C12orf42: variants seen among roughly 807,000 people sequenced by gnomAD.
C12orf42 encodes uncharacterized protein C12orf42.
Under a neutral mutation model 21.6 loss-of-function variants are expected in C12orf42, and 25 were observed. The observed-to-expected ratio is 1.16, with a 90% CI of 0.84 to 1.62. C12orf42 has a LOEUF of 1.62. C12orf42 is among the 40% of genes most tolerant of loss of function. The probability of loss-of-function intolerance (pLI) is 0.00; values close to 1 mark genes in which losing one functional copy is unlikely to be tolerated. For missense variants in C12orf42, 483 were observed against 459.3 expected (o/e 1.05, Z -0.47); for synonymous variants, 174 against 175.0 (o/e 0.99, Z 0.05).
At chr12:103,452,356 A>G (rs77624097) in intron 2 of C12orf42, among the ~76,000 whole-genome samples, 4,012 of 152,190 alleles carry the variant, frequency 0.026, 169 homozygotes, top group African/African-American at 0.09. Flanking sequence ...AAAATCATAA[A>G]TCACATAAAA....
upstream of C12orf42, among the ~76,000 whole-genome samples, chr12:103,498,924 G>T (rs913973311): frequency 6.6e-6 from 1 of 152,066 alleles, no homozygotes; most frequent in Admixed American, 6.5e-5. Context: ...ATGCATGCTC[G>T]GCTTAATACC....
At chr12:103,481,672 T>C (rs1954483109) in intron 1 of C12orf42, among the ~76,000 whole-genome samples, 1 of 151,614 alleles carries the variant, frequency 6.6e-6, no homozygotes, top group Non-Finnish European at 1.5e-5. Flanking sequence ...AAAAATACCG[T>C]CTGACAACCT....
chr12:103,554,509 AT>A, the C12orf42 span, among the ~76,000 whole-genome samples: 1 of 151,988 alleles, frequency 6.6e-6, no homozygotes, highest in Non-Finnish European at 1.5e-5. Flanking sequence ...CAAATAGTCC[AT>A]TTGGGGGTGC....
intron 3 of C12orf42, among the ~76,000 whole-genome samples, chr12:103,381,275 G>T (rs1566197195): frequency 6.6e-6 from 1 of 152,174 alleles, no homozygotes; most frequent in South Asian, 2.1e-4. Context: ...GAATCCAAAA[G>T]ATCTTAGAGA....
chr12:103,140,340 C>T, the C12orf42 span, among the ~76,000 whole-genome samples: 3 of 152,154 alleles, frequency 2.0e-5, no homozygotes, highest in East Asian at 1.9e-4. Context: ...ATTCAGACCC[C>T]GGGAAGGGAA....
At chr12:103,296,255 G>C (rs1313084861) in intron 4 of C12orf42, among the ~76,000 whole-genome samples, 1 of 151,896 alleles carries the variant, frequency 6.6e-6, no homozygotes, top group Non-Finnish European at 1.5e-5. Flanking sequence ...TCTTAATTCA[G>C]TCTATCATTG....
intron 4 of C12orf42, among the ~76,000 whole-genome samples, chr12:103,346,339 A>C (rs1432627792): frequency 6.6e-6 from 1 of 152,202 alleles, no homozygotes; most frequent in African/African-American, 2.4e-5. Flanking sequence ...AAACACATTA[A>C]CACTAGTGCT....
At chr12:103,232,668 G>A (rs1489299266), downstream of C12orf42, among the ~76,000 whole-genome samples, 1 of 140,002 alleles carries the variant, frequency 7.1e-6, no homozygotes, top group Non-Finnish European at 1.5e-5. Context: ...CCGAGATCAC[G>A]CCACTGCACT....
chr12:103,172,169 A>C, the C12orf42 span, among the ~76,000 whole-genome samples: 1 of 152,206 alleles, frequency 6.6e-6, no homozygotes, highest in Admixed American at 6.5e-5. Flanking sequence ...TTCATGAATA[A>C]GACAGGTCTC....
At chr12:103,324,730 T>C (rs1036902904) in intron 4 of C12orf42, among the ~76,000 whole-genome samples, 6 of 152,156 alleles carry the variant, frequency 3.9e-5, no homozygotes, top group Non-Finnish European at 8.8e-5. Context: ...AAATCTCCAT[T>C]TCGGTTCTTA....
chr12:103,395,923 G>A (rs12229882), intron 3 of C12orf42, among the ~76,000 whole-genome samples: 25,485 of 147,288 alleles, frequency 0.17, 2,511 homozygotes, highest in African/African-American at 0.28. Flanking sequence ...AATGCATTAT[G>A]TATAATATAT....
chr12:103,446,763 A>G (rs11111584), intron 2 of C12orf42, among the ~76,000 whole-genome samples: 22,957 of 152,028 alleles, frequency 0.15, 1,876 homozygotes, highest in African/African-American at 0.21. Context: ...AAAAAGACAA[A>G]GAGGGACATT....
intron 4 of C12orf42, among the ~76,000 whole-genome samples, chr12:103,291,772 TGA>T (rs1376779269): frequency 6.6e-6 from 1 of 152,182 alleles, no homozygotes; most frequent in African/African-American, 2.4e-5. Context: ...TAATGAGCAG[TGA>T]GAGCAACTAG....
the C12orf42 span, among the ~76,000 whole-genome samples, chr12:103,099,066 TA>T: frequency 2.2e-4 from 33 of 151,836 alleles, no homozygotes; most frequent in African/African-American, 7.0e-4. Context: ...ATGTAGATAA[TA>T]AAAAAAAATT....
the C12orf42 span, among the ~76,000 whole-genome samples, chr12:103,506,636 A>T: frequency 6.7e-6 from 1 of 150,334 alleles, no homozygotes; most frequent in Non-Finnish European, 1.5e-5. Flanking sequence ...AGTACAATCT[A>T]TGATGTTCAG....
chr12:103,264,402 G>A (rs955504845), downstream of C12orf42, among the ~76,000 whole-genome samples: 1 of 152,078 alleles, frequency 6.6e-6, no homozygotes, highest in Non-Finnish European at 1.5e-5. Flanking sequence ...TCTGTCCCAG[G>A]GGATTAAGAA....
In C12orf42 at chr12:103,302,197, A is replaced by T. The variant is rs1169884608; in HGVS notation, c.994T>A (p.Ser332Thr). 1 of 1,612,570 alleles carries T rather than the reference A, an allele frequency of 6.2e-7. No individual in the cohort carries two copies. ...FPSKRLIKVC[S>T]SAPPRPTRRF... ...CGGGTTGGGCGGGGGGGTGCTGAGGAGCAAACCTTTATTAACCTCTTGGAG... is the reference window on the plus strand; with the variant it reads ...CGGGTTGGGCGGGGGGGTGCTGAGGTGCAAACCTTTATTAACCTCTTGGAG... Residue 332 changes from serine (S) to threonine (T), a missense_variant, in exon 6 of 6, where the codon TCC becomes ACC. By Grantham distance (58) the Ser-to-Thr change is moderately conservative. Transcript: ENST00000548883.
At chr12:103,138,684 C>G in the C12orf42 span, among the ~76,000 whole-genome samples, 73 of 152,286 alleles carry the variant, frequency 4.8e-4, 1 homozygote, top group African/African-American at 1.7e-3. Context: ...CATTCTTGTT[C>G]TCACTTCAGT....
At chr12:103,471,736 T>C (rs1178952474) in intron 2 of C12orf42, among the ~76,000 whole-genome samples, 1 of 152,212 alleles carries the variant, frequency 6.6e-6, no homozygotes, top group East Asian at 1.9e-4. Flanking sequence ...TCATGGCCAA[T>C]AAATACCCAC....
Sources: gnomAD v4.1 joint callset for allele counts (sites outside exome capture counted in the v4.1 genomes callset) on GRCh38, gnomAD v4.1.1 for gene constraint, MANE v1.5 for transcripts, NCBI Gene and HGNC (gene_info 2026-07-23, HGNC 2026-07-21) for gene names.